The following EPHA6 variants were observed in gnomAD, a reference collection of about 807,000 sequenced individuals.
The protein encoded by EPHA6 is ephrin type-A receptor 6.
EPHA6 carries 50 observed loss-of-function variants against 112.0 expected under a neutral mutation model. The observed-to-expected ratio is 0.45, with a 90% CI of 0.36 to 0.56. The LOEUF (loss-of-function observed/expected upper bound fraction) is 0.56. EPHA6 is among the 20% of genes least tolerant of loss of function. The probability of loss-of-function intolerance (pLI) is 0.00; values close to 1 mark genes in which losing one functional copy is unlikely to be tolerated. For synonymous variants in EPHA6, 529 were observed against 490.7 expected (o/e 1.08, Z -1.03); for missense variants, 1,280 against 1,417.4 (o/e 0.90, Z 1.56).
chr3:96,984,035 A>C (rs963385860), intron 2 of EPHA6, among the ~76,000 whole-genome samples: 5 of 152,132 alleles, frequency 3.3e-5, no homozygotes, highest in African/African-American at 1.2e-4. Flanking sequence ...GATTATCTGA[A>C]GCCTTCTTCT....
At chr3:97,623,995 G>A (rs2093834437) in intron 13 of EPHA6, among the ~76,000 whole-genome samples, 1 of 151,372 alleles carries the variant, frequency 6.6e-6, no homozygotes, top group East Asian at 1.9e-4. Flanking sequence ...GAAATATAAC[G>A]TGAATGTGAA....
intron 4 of EPHA6, among the ~76,000 whole-genome samples, chr3:97,240,946 C>A (rs537933234): frequency 1.3e-5 from 2 of 151,762 alleles, no homozygotes; most frequent in South Asian, 4.2e-4. Flanking sequence ...TGTTTAAAAA[C>A]AATTTACATT....
At chr3:96,897,283 C>A (rs889530300) in intron 2 of EPHA6, among the ~76,000 whole-genome samples, 2 of 151,800 alleles carry the variant, frequency 1.3e-5, no homozygotes, top group African/African-American at 4.8e-5. Flanking sequence ...AGTGATCTTG[C>A]CATGTGTCTA....
intron 11 of EPHA6, among the ~76,000 whole-genome samples, chr3:97,566,656 G>C (rs779067276): frequency 1.3e-5 from 2 of 152,078 alleles, no homozygotes; most frequent in Non-Finnish European, 2.9e-5. Flanking sequence ...GAGTGTTTTG[G>C]CTCTTGTCAC....
chr3:97,235,844 C>A (rs2078662776), intron 4 of EPHA6, among the ~76,000 whole-genome samples: 1 of 152,092 alleles, frequency 6.6e-6, no homozygotes, highest in East Asian at 1.9e-4. Context: ...TCCAGTTATA[C>A]CAGTTACATA....
chr3:96,923,598 G>A (rs987112651), intron 2 of EPHA6, among the ~76,000 whole-genome samples: 3 of 152,052 alleles, frequency 2.0e-5, no homozygotes, highest in African/African-American at 7.2e-5. Context: ...TGTTCACACT[G>A]CTGATAGTTT....
intron 2 of EPHA6, among the ~76,000 whole-genome samples, chr3:96,878,847 A>C (rs778015923): frequency 9.2e-5 from 14 of 152,086 alleles, no homozygotes; most frequent in Non-Finnish European, 1.6e-4. Context: ...AAAACATATA[A>C]AGTGAATATT....
chr3:97,564,238 C>A (rs1008955711), intron 11 of EPHA6, among the ~76,000 whole-genome samples: 4 of 152,008 alleles, frequency 2.6e-5, no homozygotes, highest in African/African-American at 9.7e-5. Context: ...TATAATAATT[C>A]TCACAAGCAC....
chr3:96,866,702 T>G (rs2107454669), intron 1 of EPHA6, 123 bp from the exon 2 acceptor site: 1 of 465,996 alleles, frequency 2.1e-6, no homozygotes, highest in African/African-American at 2.1e-5. Context: ...TCATTAAACT[T>G]AATTCAGTGA....
intron 3 of EPHA6, among the ~76,000 whole-genome samples, chr3:97,181,960 G>C (rs978940438): frequency 6.6e-6 from 1 of 151,958 alleles, no homozygotes; most frequent in Non-Finnish European, 1.5e-5. Flanking sequence ...CCGACACTTG[G>C]CACAGCTGAG....
intron 7 of EPHA6, among the ~76,000 whole-genome samples, chr3:97,450,581 AAC>A (rs2090492889): frequency 6.6e-6 from 1 of 152,056 alleles, no homozygotes; most frequent in African/African-American, 2.4e-5. Context: ...TTTAAATATT[AAC>A]AGTTTGATTT....
At chr3:97,138,811 C>G (rs1051861198) in intron 3 of EPHA6, among the ~76,000 whole-genome samples, 2 of 152,196 alleles carry the variant, frequency 1.3e-5, no homozygotes, top group Non-Finnish European at 2.9e-5. Flanking sequence ...TGCTATCTAT[C>G]ACAGACAGGG....
intron 3 of EPHA6, among the ~76,000 whole-genome samples, chr3:97,166,272 A>G (rs115254517): frequency 7.5e-4 from 114 of 152,218 alleles, no homozygotes; most frequent in African/African-American, 2.6e-3. Flanking sequence ...AAATACCTTT[A>G]TAGTTTTTAA....
intron 11 of EPHA6, among the ~76,000 whole-genome samples, chr3:97,545,721 G>A (rs113728347): frequency 0.28 from 42,511 of 151,968 alleles, 9,285 homozygotes; most frequent in African/African-American, 0.6. Context: ...TAGGTCACTA[G>A]GGACTTGCTT....
rs1376802144 is a variant in EPHA6, at chr3:97,758,952, T to G, written c.*10251T>G. Among the ~76,000 whole-genome samples the G allele has an allele frequency of 6.6e-6, 1 of 151,942 alleles. No homozygotes were observed. Among genetic ancestry groups the G allele is most frequent in the Non-Finnish European group, 1.5e-5 (1 of 67,878 alleles). ...TGGAGTAATTCCAGCAAAAACGTGG[T>G]GGATTCACTACTTCAAGATTTGGAA... On this transcript the variant is annotated 3_prime_UTR_variant, in exon 18 of 18. Transcript: ENST00000389672.
chr3:97,161,240 A>C (rs906146771), intron 3 of EPHA6, among the ~76,000 whole-genome samples: 10 of 152,174 alleles, frequency 6.6e-5, no homozygotes, highest in Admixed American at 6.6e-4. Context: ...ACATTAGGCC[A>C]AAAGCTGTTT....
chr3:97,489,044 A>G (rs980148746), intron 10 of EPHA6, among the ~76,000 whole-genome samples: 2 of 152,254 alleles, frequency 1.3e-5, no homozygotes, highest in Non-Finnish European at 2.9e-5. Flanking sequence ...TTAACAATTT[A>G]GTTATCGTTC....
intron 1 of EPHA6, among the ~76,000 whole-genome samples, chr3:96,851,276 A>G (rs1386492976): frequency 6.6e-6 from 1 of 152,316 alleles, no homozygotes; most frequent in East Asian, 1.9e-4. Context: ...CTGAGTGACT[A>G]TAAACTCCAA....
chr3:97,729,574 C>T (rs912679804), intron 15 of EPHA6, among the ~76,000 whole-genome samples: 18 of 152,018 alleles, frequency 1.2e-4, no homozygotes, highest in Admixed American at 5.2e-4. Context: ...GTTCCTCCCA[C>T]GACATGTGGG....
Sources: allele counts gnomAD v4.1 joint callset (sites outside exome capture counted in the v4.1 genomes callset), GRCh38; gene constraint gnomAD v4.1.1; transcripts MANE v1.5; gene names NCBI Gene and HGNC (gene_info 2026-07-23, HGNC 2026-07-21).